Variants in CEP295 observed in about 807,000 individuals in gnomAD.
CEP295 encodes centrosomal protein of 295 kDa.
Under a neutral mutation model 291.6 loss-of-function variants are expected in CEP295, and 190 were observed. The ratio of observed to expected loss-of-function variants is 0.65; its 90% CI spans 0.58 to 0.73. CEP295 has a LOEUF of 0.73. Among genes scored for constraint, CEP295 ranks in the 30% least tolerant of loss-of-function variants. CEP295 has a pLI of 0.00. For missense variants in CEP295, 2,863 were observed against 2,949.4 expected (o/e 0.97, Z 0.68); for synonymous variants, 993 against 1,038.8 (o/e 0.96, Z 0.85).
At chr11:93,719,072 C>T (rs1953482139) in intron 18 of CEP295, among the ~76,000 whole-genome samples, 1 of 151,396 alleles carries the variant, frequency 6.6e-6, no homozygotes, top group African/African-American at 2.4e-5. Flanking sequence ...CGTGCCTCTG[C>T]ACTCCAGCCT....
Position 93,729,512 on chromosome 11 carries a change from C to A in CEP295, c.7381C>A (p.Pro2461Thr). Residue 2461 changes from proline to threonine, a missense_variant, in exon 26 of 30, where the codon CCA becomes ACA. Pro to Thr is a conservative substitution (Grantham distance 38). This residue lies in a region of CEP295 where 2,295 missense variants were observed against 2,335.7 expected (regional missense o/e 0.98). Transcript: ENST00000325212. ...PAVSELSIEKPRTASTETPRR... is the reference protein window; with the variant it reads ...PAVSELSIEKTRTASTETPRR... ...TGTATCAGAACTTTCCATAGAAAAA[C>A]CAAGGACAGCATCTACAGGTAAGCC... The A allele has an allele frequency of 6.4e-7, 1 of 1,551,742 alleles. No homozygotes were observed.
At position 93,694,775 on chromosome 11, in the gene CEP295, T is replaced by C. The variant is rs75416298; in HGVS notation, c.1534-722T>C. Among the ~76,000 whole-genome samples, 287 of 152,342 alleles carry C rather than the reference T, an allele frequency of 1.9e-3. 11 individuals are homozygous for C. The East Asian group carries it at 0.053, about 28-fold the overall frequency. On this transcript the variant is annotated intron_variant, in intron 12 of 29. Coordinates refer to ENST00000325212, the MANE Select transcript of CEP295 (RefSeq NM_033395.2). ...AGAATAGTGCATAATTTAAAACTTA[T>C]GAATTATTTCTGGAATTTTCTATTT...
Position 93,698,970 on chromosome 11 carries a change from C to A in CEP295, c.4058C>A (p.Ala1353Glu). The part of the protein sequence containing the change: ...LIQPQQDNLK[A>E]LQEQLATQRE... ...CAGCCTCAACAAGATAATTTGAAGG[C>A]ACTTCAAGAACAGTTAGCTACACAG... Residue 1353 changes from alanine to glutamate, a missense_variant, in exon 15 of 30, where the codon GCA becomes GAA. Ala to Glu is a moderately radical substitution (Grantham distance 107). Transcript: ENST00000325212. 6.4e-7 allele frequency: 1 copy of A among 1,550,934 alleles called. No homozygotes were observed.
At chr11:93,702,702 T>A (rs992568249) in intron 16 of CEP295, 65 bp downstream of exon 16, 28 of 1,532,704 alleles carry the variant, frequency 1.8e-5, no homozygotes, top group Non-Finnish European at 2.5e-5. Flanking sequence ...CCCCTGTAGC[T>A]TGCTAGTTGA....
In CEP295 at chr11:93,675,645, TAGAG is replaced by T; in HGVS notation, c.607_610del (p.Glu203GlnfsTer45). ...ACCATCATCTTCACACTTTTGTGAA[TAGAG>T]AGACAGACACAAAACGGGTGATTGA... is the stretch of plus-strand genomic sequence containing the variant. On this transcript the variant is annotated frameshift_variant, in exon 6 of 30. Transcript: ENST00000325212. LOFTEE classifies it high-confidence loss of function. The T allele has an allele frequency of 6.7e-7, 1 of 1,497,396 alleles. No individual in the cohort carries two copies. Among genetic ancestry groups the T allele is most frequent in the Admixed American group, 2.5e-5 (1 of 40,460 alleles). The allele number at this position is 1,497,396 out of a possible 1,614,324, so 92.8% of individuals were successfully genotyped here. A position where few individuals can be genotyped will look rare whatever the true frequency, so the allele number is the denominator to read the frequency against.
At chr11:93,709,259 T>A (rs879892308) in intron 18 of CEP295, among the ~76,000 whole-genome samples, 1 of 152,202 alleles carries the variant, frequency 6.6e-6, no homozygotes, top group Non-Finnish European at 1.5e-5. Flanking sequence ...ATGTTTTCTT[T>A]TAGTAGTTTC....
intron 22 of CEP295, among the ~76,000 whole-genome samples, chr11:93,725,358 A>G (rs1954064700): frequency 6.6e-6 from 1 of 152,194 alleles, no homozygotes; most frequent in Admixed American, 6.5e-5. Flanking sequence ...TTAGTTGTGG[A>G]ACATATTTAA....
chr11:93,691,617 T>A, intron 10 of CEP295, 66 bp from the exon 11 acceptor site: 1 of 1,065,216 alleles, frequency 9.4e-7, no homozygotes, highest in Non-Finnish European at 1.4e-6. Context: ...ACCAGAATTT[T>A]GTTATTTTGC....
intron 18 of CEP295, among the ~76,000 whole-genome samples, chr11:93,714,899 C>A (rs933158182): frequency 6.6e-6 from 1 of 152,146 alleles, no homozygotes; most frequent in Admixed American, 6.5e-5. Flanking sequence ...AGGGGTGACA[C>A]AAGCACCCCT....
intron 9 of CEP295, among the ~76,000 whole-genome samples, chr11:93,686,883 T>A (rs903578600): frequency 2.6e-5 from 4 of 152,328 alleles, no homozygotes; most frequent in South Asian, 2.1e-4. Context: ...GAATTTTTTT[T>A]AATATAAGTT....
chr11:93,683,668 A>G lies in CEP295; in HGVS notation c.875A>G (p.Lys292Arg). Residue 292 changes from lysine (K) to arginine (R), a missense_variant, in exon 8 of 30, where the codon AAA becomes AGA. Around this residue, in one of 3 missense-constraint regions of CEP295, gnomAD observed 554 missense variants for 576.0 expected, o/e 0.96. Coordinates refer to ENST00000325212, the MANE Select transcript of CEP295 (RefSeq NM_033395.2). ...MPPQLVELPY[K>R]RSEMKEDWQR... Reference sequence around the variant, plus strand: ...CCACAACTAGTTGAACTTCCATACAAACGCAGTGAAATGAAAGAAGACTGG... The same window carrying G: ...CCACAACTAGTTGAACTTCCATACAGACGCAGTGAAATGAAAGAAGACTGG... 3 of 1,550,474 alleles carry G rather than the reference A, an allele frequency of 1.9e-6. No homozygotes were observed. The highest frequency in any genetic ancestry group is 2.6e-6 in the Non-Finnish European group (3 of 1,146,728).
At chr11:93,716,308 C>G (rs1446884992) in intron 18 of CEP295, among the ~76,000 whole-genome samples, 1 of 152,148 alleles carries the variant, frequency 6.6e-6, no homozygotes, top group Non-Finnish European at 1.5e-5. Context: ...TCTCCTTCCC[C>G]CAAGCATACA....
Position 93,695,586 on chromosome 11 carries a change from C to A in CEP295, c.1623C>A (p.Phe541Leu), listed in dbSNP as rs1334461088. 2.0e-6 allele frequency: 3 copies of A among 1,493,718 alleles called. No homozygotes were observed. The highest frequency in any genetic ancestry group is 2.7e-6 in the Non-Finnish European group (3 of 1,129,454). 92.5% of individuals were successfully genotyped at this position (1,493,718 alleles called of 1,614,324 possible). The change falls in exon 13 of 30, where the codon TTC (phenylalanine) becomes TTA (leucine). Residue 541 changes from phenylalanine to leucine, a missense_variant. Phe to Leu is a conservative substitution (Grantham distance 22). Around this residue, in one of 3 missense-constraint regions of CEP295, gnomAD observed 2,295 missense variants for 2,335.7 expected, o/e 0.98. Coordinates refer to ENST00000325212, the MANE Select transcript of CEP295 (RefSeq NM_033395.2). ...AATTAAGATTAGAAACTGACTGCTT[C>A]AGGGCTCAGCTGGAAGAAGAAAAAA... ...QQKLRLETDC[F>L]RAQLEEEKRK...
chr11:93,695,611 A>AG lies in CEP295; in HGVS notation c.1649dup (p.Thr553AsnfsTer18). The AG allele has an allele frequency of 6.7e-7, 1 of 1,498,206 alleles. No homozygotes were observed. The allele number at this position is 1,498,206 out of a possible 1,614,324, so 92.8% of individuals were successfully genotyped here. A position where few individuals can be genotyped will look rare whatever the true frequency, so the allele number is the denominator to read the frequency against. On this transcript the variant is annotated frameshift_variant, in exon 13 of 30. Coordinates refer to ENST00000325212, the MANE Select transcript of CEP295 (RefSeq NM_033395.2). LOFTEE classifies it high-confidence loss of function. ...CAGGGCTCAGCTGGAAGAAGAAAAAAGAAAAAAAACTCAACCGACTGGGGT... is the reference window on the plus strand; with the variant it reads ...CAGGGCTCAGCTGGAAGAAGAAAAAAGGAAAAAAAACTCAACCGACTGGGGT...
chr11:93,707,034 T>C (rs1382364637), intron 18 of CEP295, 137 bp downstream of exon 18: 1 of 749,930 alleles, frequency 1.3e-6, no homozygotes, highest in Middle Eastern at 3.2e-4. Flanking sequence ...TATGATGCAG[T>C]TAACTATATT....
intron 18 of CEP295, among the ~76,000 whole-genome samples, chr11:93,719,100 C>T (rs1367031498): frequency 1.3e-4 from 5 of 37,430 alleles, no homozygotes; most frequent in Middle Eastern, 0.012. Context: ...AGTGAGACTC[C>T]GTCTCAAAAA....
chr11:93,705,216 G>A (rs980870135), intron 17 of CEP295, among the ~76,000 whole-genome samples: 2 of 151,908 alleles, frequency 1.3e-5, no homozygotes, highest in Admixed American at 1.3e-4. Flanking sequence ...TCTTAACAAG[G>A]GTGTTTTTTC....
chr11:93,693,682 A>G (rs1951706854), intron 12 of CEP295, among the ~76,000 whole-genome samples: 1 of 152,128 alleles, frequency 6.6e-6, no homozygotes, highest in Non-Finnish European at 1.5e-5. Flanking sequence ...CTTGAACCCA[A>G]GAGGTGGAGG....
intron 15 of CEP295, among the ~76,000 whole-genome samples, chr11:93,701,969 T>G (rs959256841): frequency 2.6e-5 from 4 of 151,628 alleles, no homozygotes; most frequent in African/African-American, 4.9e-5. Context: ...TGTTGTTGTT[T>G]GAGACGAAAT....
Sources: allele counts gnomAD v4.1 joint callset (sites outside exome capture counted in the v4.1 genomes callset), GRCh38; gene constraint gnomAD v4.1.1; regional missense constraint gnomAD v4.1.1; transcripts MANE v1.5; gene names NCBI Gene and HGNC (gene_info 2026-07-23, HGNC 2026-07-21).